The following NRCAM variants were observed in gnomAD, a reference collection of about 807,000 sequenced individuals.
The protein encoded by NRCAM is neuronal cell adhesion molecule, also known as NgCAM-related cell adhesion molecule.
NRCAM carries 83 observed loss-of-function variants against 156.5 expected under a neutral mutation model. That is an observed-to-expected ratio of 0.53 (90% confidence interval 0.44 to 0.64). The LOEUF (loss-of-function observed/expected upper bound fraction) is 0.64. Ranked by LOEUF, NRCAM falls within the 30% of genes least tolerant of loss-of-function variation. The probability of loss-of-function intolerance (pLI) is 0.00; values close to 1 mark genes in which losing one functional copy is unlikely to be tolerated. For missense variants in NRCAM, 1,417 were observed against 1,597.3 expected, an observed-to-expected ratio of 0.89 and a Z score of 1.92; for synonymous variants, 538 against 563.9, an observed-to-expected ratio of 0.95 and a Z score of 0.65.
At chr7:108,351,042 G>A (rs1033834153) in intron 2 of NRCAM, among the ~76,000 whole-genome samples, 3 of 152,186 alleles carry the variant, frequency 2.0e-5, no homozygotes, top group African/African-American at 7.2e-5. Flanking sequence ...GGGGTGCTAC[G>A]ATTTGAATAT....
intron 3 of NRCAM, among the ~76,000 whole-genome samples, chr7:108,241,612 C>T (rs186471512): frequency 6.6e-6 from 1 of 152,112 alleles, no homozygotes; most frequent in Admixed American, 6.5e-5. Flanking sequence ...CTGTCCTATC[C>T]CCCACTGCAT....
rs542634119 is a variant in NRCAM at position 108,338,553 on chromosome 7, A to T, written c.-173-25822T>A. ...TGTAAATGGCTAAGAGAGGAAAGTG[A>T]GAGAGAGAGAGACAGAGTGAGACAC... On this transcript the variant is annotated intron_variant, in intron 2 of 32. Transcript: ENST00000379028. 1.8e-3 allele frequency among the ~76,000 whole-genome samples: 150 copies of T among 85,446 alleles called. 1 individual carries two copies. The Middle Eastern group carries it at 0.021, about 12-fold the overall frequency. 56.1% of individuals were successfully genotyped at this position (85,446 alleles called of 152,430 possible).
At chr7:108,208,456 C>A (rs2153577491) in intron 12 of NRCAM, among the ~76,000 whole-genome samples, 1 of 152,278 alleles carries the variant, frequency 6.6e-6, no homozygotes, top group Non-Finnish European at 1.5e-5. Flanking sequence ...ATGTTAACAT[C>A]TTATGTGACC....
chr7:108,246,821 C>CCAT (rs1385735128), intron 3 of NRCAM, among the ~76,000 whole-genome samples: 1 of 152,170 alleles, frequency 6.6e-6, no homozygotes, highest in Non-Finnish European at 1.5e-5. Context: ...TAGACTGTTG[C>CCAT]ATTGGTGGCC....
chr7:108,421,833 T>C (rs751637093), intron 1 of NRCAM, among the ~76,000 whole-genome samples: 3 of 152,214 alleles, frequency 2.0e-5, no homozygotes, highest in Non-Finnish European at 4.4e-5. Context: ...GGTTTTAGTT[T>C]AGGATTTTAG....
chr7:108,394,256 T>G (rs1051217022), intron 2 of NRCAM, among the ~76,000 whole-genome samples: 1 of 151,976 alleles, frequency 6.6e-6, no homozygotes, highest in Admixed American at 6.6e-5. Flanking sequence ...GGAGAAAGAG[T>G]GCTTCAGTCA....
chr7:108,418,652 A>G (rs1165900202), intron 1 of NRCAM, among the ~76,000 whole-genome samples: 1 of 152,028 alleles, frequency 6.6e-6, no homozygotes, highest in Non-Finnish European at 1.5e-5. Context: ...ATGTGTGAAC[A>G]ATTATTGAGC....
intron 1 of NRCAM, among the ~76,000 whole-genome samples, chr7:108,432,661 G>A (rs531543814): frequency 3.3e-5 from 5 of 152,352 alleles, no homozygotes; most frequent in South Asian, 2.1e-4. Context: ...CCAGCACTTC[G>A]GGAGGCCGAG....
At position 108,226,272 on chromosome 7, in the gene NRCAM, A is replaced by G; in HGVS notation, c.657T>C (p.Tyr219=). ...TGGTTTGAGTATGATTAAATCTAGC[A>G]TAACAGATATAGTCTTCGCGGGTGT... ...PEDTREDYIC[Y]ARFNHTQTIQ... The change falls in exon 9 of 33, where the codon TAT becomes TAC. Residue 219 remains tyrosine, a synonymous_variant. Transcript: ENST00000379028. 6.2e-7 allele frequency: 1 copy of G among 1,610,546 alleles called. No individual in the cohort carries two copies. Among genetic ancestry groups the G allele is most frequent in the East Asian group, 2.2e-5 (1 of 44,854 alleles).
chr7:108,239,500 CAGAAGG>C (rs566082049), intron 4 of NRCAM, among the ~76,000 whole-genome samples: 19 of 152,132 alleles, frequency 1.2e-4, no homozygotes, highest in Non-Finnish European at 2.6e-4. Context: ...ATGGAGTTGG[CAGAAGG>C]AGCCTCCCCT....
At chr7:108,191,942 T>A (rs2071972320) in intron 17 of NRCAM, 89 bp from the exon 18 acceptor site, 3 of 1,442,416 alleles carry the variant, frequency 2.1e-6, no homozygotes, top group African/African-American at 1.4e-5. Flanking sequence ...ACTGTAAATT[T>A]GATAAAGGAG....
intron 1 of NRCAM, among the ~76,000 whole-genome samples, chr7:108,431,968 G>A (rs568392420): frequency 6.6e-6 from 1 of 152,172 alleles, no homozygotes; most frequent in Non-Finnish European, 1.5e-5. Context: ...TCACTTCTTT[G>A]CCCAACCTGT....
intron 2 of NRCAM, among the ~76,000 whole-genome samples, chr7:108,347,970 A>G (rs1208710389): frequency 6.6e-6 from 1 of 152,022 alleles, no homozygotes; most frequent in Admixed American, 6.6e-5. Flanking sequence ...TGCACTCACC[A>G]TGTTCTAGGA....
intron 20 of NRCAM, among the ~76,000 whole-genome samples, chr7:108,184,972 A>C (rs1158442781): frequency 1.3e-5 from 2 of 151,740 alleles, no homozygotes; most frequent in Admixed American, 1.3e-4. Context: ...TAGCATGCTG[A>C]ATTTAGTTAC....
rs556561505 is a variant in NRCAM, at chr7:108,427,669, A to T, written c.-331-28076T>A. Among the ~76,000 whole-genome samples the T allele has an allele frequency of 3.7e-4, 57 of 152,326 alleles. 1 individual carries two copies. Among genetic ancestry groups the T allele is most frequent in the Middle Eastern group, 3.4e-3 (1 of 294 alleles). ...TTCTCTGCTTATATATAAATACTTC[A>T]AAAAAGAGATCAGAACCTTGAAATC... On this transcript the variant is annotated intron_variant, in intron 1 of 32. Transcript: ENST00000379028.
intron 1 of NRCAM, among the ~76,000 whole-genome samples, chr7:108,401,833 CCT>C (rs2099793581): frequency 6.6e-6 from 1 of 152,164 alleles, no homozygotes; most frequent in Non-Finnish European, 1.5e-5. Flanking sequence ...GCTGCTCTGC[CCT>C]GATATCTACT....
At position 108,415,262 on chromosome 7, in the gene NRCAM, G is replaced by A. The variant is rs77560231; in HGVS notation, c.-331-15669C>T. 1.7e-3 allele frequency among the ~76,000 whole-genome samples: 257 copies of A among 152,214 alleles called. 3 individuals are homozygous for A. The East Asian group carries it at 0.045, about 27-fold the overall frequency. ...CCTGCCTGTGTGAGCAACAGCCTGC[G>A]GTGGGACCTTGAGGGTGACAATGTC... On this transcript the variant is annotated intron_variant, in intron 1 of 32. Coordinates refer to ENST00000379028, the MANE Select transcript of NRCAM (RefSeq NM_001037132.4).
At chr7:108,271,649 T>C (rs1057066473) in intron 3 of NRCAM, among the ~76,000 whole-genome samples, 1 of 150,672 alleles carries the variant, frequency 6.6e-6, no homozygotes, top group Non-Finnish European at 1.5e-5. Flanking sequence ...GCCAAGATTG[T>C]GCCATTGTAC....
chr7:108,244,230 T>C (rs1220337323), intron 3 of NRCAM, among the ~76,000 whole-genome samples: 1 of 151,890 alleles, frequency 6.6e-6, no homozygotes, highest in Non-Finnish European at 1.5e-5. Flanking sequence ...GTGGGTTCCA[T>C]GCTGGTTGAA....
Sources: gnomAD v4.1 joint callset for allele counts (sites outside exome capture counted in the v4.1 genomes callset) on GRCh38, gnomAD v4.1.1 for gene constraint, MANE v1.5 for transcripts, NCBI Gene and HGNC (gene_info 2026-07-23, HGNC 2026-07-21) for gene names.